The following HSD17B3 variants were observed in gnomAD, a reference collection of about 807,000 sequenced individuals.
HSD17B3 encodes the protein 17-beta-hydroxysteroid dehydrogenase type 3.
HSD17B3 carries 29 observed loss-of-function variants against 41.1 expected under a neutral mutation model. The observed-to-expected ratio is 0.71, with a 90% CI of 0.53 to 0.96. The LOEUF (loss-of-function observed/expected upper bound fraction) is 0.96, where lower values mean the gene tolerates loss of function less well. HSD17B3 is among the 40% of genes least tolerant of loss of function. The pLI is 0.00. For missense variants in HSD17B3, 323 were observed against 374.6 expected, an observed-to-expected ratio of 0.86 and a Z score of 1.14; for synonymous variants, 126 against 145.6, an observed-to-expected ratio of 0.87 and a Z score of 0.97.
At position 96,295,209 on chromosome 9, in the gene HSD17B3, G is replaced by A. The variant is rs147916815; in HGVS notation, c.201+3207C>T. Among the ~76,000 whole-genome samples, 1,097 of 152,000 alleles carry A rather than the reference G, an allele frequency of 7.2e-3. 19 individuals carry two copies. The highest frequency in any genetic ancestry group is 0.024 in the African/African-American group (1,013 of 41,460). On this transcript the variant is annotated intron_variant, in intron 2 of 10. Coordinates refer to ENST00000375263, the MANE Select transcript of HSD17B3 (RefSeq NM_000197.2). ...TTTAGTAGAGACGGGGTTTCACTAC[G>A]TTGGTCAGGCTGGTCTGGAACTCCT...
intron 3 of HSD17B3, 70 bp downstream of exon 3, chr9:96,254,798 A>G (rs753343069): frequency 7.6e-7 from 1 of 1,312,214 alleles, no homozygotes; most frequent in Non-Finnish European, 1.1e-6. Context: ...AAGTACATCA[A>G]CTGGCATGGT....
At chr9:96,287,725 AT>A (rs1194471291) in intron 2 of HSD17B3, among the ~76,000 whole-genome samples, 1 of 151,932 alleles carries the variant, frequency 6.6e-6, no homozygotes, top group East Asian at 1.9e-4. Context: ...AAATAAATAA[AT>A]AAATAAATAA....
At chr9:96,281,503 AGGGTTAGAGTCCCTTCTAATATTTAGG>A (rs1826690371) in intron 2 of HSD17B3, among the ~76,000 whole-genome samples, 1 of 152,096 alleles carries the variant, frequency 6.6e-6, no homozygotes, top group African/African-American at 2.4e-5. Context: ...CTAACTTAGG[AGGGTTAGAGTCCCTTCTAATATTTAGG>A]GGGTTAAAGT....
rs1444508567 is a variant in HSD17B3 at position 96,254,882 on chromosome 9, A to G, written c.263T>C (p.Ile88Thr). Residue 88 changes from isoleucine (I) to threonine (T), a missense_variant, in exon 3 of 11, where the codon ATT (isoleucine) becomes ACT (threonine). By Grantham distance (89) the Ile-to-Thr change is moderately conservative. Coordinates refer to ENST00000375263, the MANE Select transcript of HSD17B3 (RefSeq NM_000197.2). ...GGGTCACTCACCGATCTCTGTGGCA[A>G]TGGCCTCTAGTTTTTCCAGCGTCCG... is the stretch of plus-strand genomic sequence containing the variant. ...ISRTLEKLEA[I>T]ATEIERTTGR... 2 of 1,614,016 alleles carry G rather than the reference A, an allele frequency of 1.2e-6. No individual in the cohort carries two copies. Among genetic ancestry groups the G allele is most frequent in the East Asian group, 2.2e-5 (1 of 44,886 alleles).
intron 2 of HSD17B3, among the ~76,000 whole-genome samples, chr9:96,296,603 T>C (rs958982886): frequency 1.3e-5 from 2 of 152,014 alleles, no homozygotes; most frequent in African/African-American, 4.8e-5. Context: ...CCCAAAATAA[T>C]TGGATATAAG....
Position 96,241,710 on chromosome 9 carries a change from C to T in HSD17B3, c.673-803G>A, listed in dbSNP as rs755683915. On this transcript the variant is annotated intron_variant, in intron 9 of 10. Transcript: ENST00000375263. ...AGCATGTTGGGAGGCCAAGGCAGGA[C>T]GATTGCTTGAGCCCAGGAGTGCGAG... Among the ~76,000 whole-genome samples, 241 of 152,026 alleles carry T rather than the reference C, an allele frequency of 1.6e-3. 3 individuals are homozygous for T. Among genetic ancestry groups the T allele is most frequent in the Non-Finnish European group, 4.9e-4 (33 of 68,006 alleles).
At chr9:96,279,045 C>T (rs1354679777) in intron 2 of HSD17B3, among the ~76,000 whole-genome samples, 1 of 152,210 alleles carries the variant, frequency 6.6e-6, no homozygotes, top group Non-Finnish European at 1.5e-5. Flanking sequence ...TGGCAGAATC[C>T]TCCACTACGT....
At chr9:96,246,621 A>G in intron 6 of HSD17B3, 31 bp from the exon 7 acceptor site, 1 of 1,609,650 alleles carries the variant, frequency 6.2e-7, no homozygotes, top group East Asian at 2.2e-5. Context: ...TAAGCCCGAC[A>G]AGGAACTAAG....
Position 96,244,360 on chromosome 9 carries a change from T to C in HSD17B3, c.641A>G (p.Glu214Gly), listed in dbSNP as rs370264627. 75 of 1,614,072 alleles carry C rather than the reference T, an allele frequency of 4.6e-5. No homozygotes were observed. Among genetic ancestry groups the C allele is most frequent in the Non-Finnish European group, 6.3e-5 (74 of 1,180,038 alleles). The change falls in exon 9 of 11, where the codon GAG becomes GGG. Residue 214 changes from glutamate (E) to glycine (G), a missense_variant. By Grantham distance (98) the Glu-to-Gly change is moderately conservative. Transcript: ENST00000375263. The stretch of plus-strand genomic sequence containing the variant: ...GATGACTTCTTTTGCTTTATATTCC[T>C]CTTGCAGGGCCTTGGAAAATGCGCA... ...FVCAFSKALQ[E>G]EYKAKEVIIQ...
chr9:96,245,368 A>G lies in HSD17B3; in HGVS notation c.583T>C (p.Tyr195His). Residue 195 changes from tyrosine to histidine, a missense_variant, in exon 8 of 11, where the codon TAC becomes CAC. Coordinates refer to ENST00000375263, the MANE Select transcript of HSD17B3 (RefSeq NM_000197.2). The part of the protein sequence containing the change: ...SGIALFPWPL[Y>H]SMYSASKAFV... Reference sequence around the variant, plus strand: ...ACCTTGGAAGCTGAGTACATGGAGTAGAGAGGCCAAGGAAACAGGGCTATC... The same window carrying G: ...ACCTTGGAAGCTGAGTACATGGAGTGGAGAGGCCAAGGAAACAGGGCTATC... The G allele has an allele frequency of 6.2e-7, 1 of 1,613,746 alleles. No individual in the cohort carries two copies. Among genetic ancestry groups the G allele is most frequent in the Non-Finnish European group, 8.5e-7 (1 of 1,179,602 alleles).
chr9:96,276,986 G>A (rs1826486746), intron 2 of HSD17B3, among the ~76,000 whole-genome samples: 2 of 152,172 alleles, frequency 1.3e-5, no homozygotes, highest in South Asian at 2.1e-4. Context: ...TGAGTCACAA[G>A]GTCAGGAGAT....
intron 6 of HSD17B3, among the ~76,000 whole-genome samples, chr9:96,247,660 T>C (rs1195221400): frequency 6.6e-6 from 1 of 152,180 alleles, no homozygotes; most frequent in African/African-American, 2.4e-5. Context: ...AATGACTTCA[T>C]AGGGATATTA....
chr9:96,263,084 G>A (rs369552371), intron 2 of HSD17B3, among the ~76,000 whole-genome samples: 1 of 152,156 alleles, frequency 6.6e-6, no homozygotes, highest in Non-Finnish European at 1.5e-5. Context: ...CAGTGACTTC[G>A]TACAAGAGGC....
At chr9:96,289,227 G>T (rs1348106546) in intron 2 of HSD17B3, among the ~76,000 whole-genome samples, 3 of 151,640 alleles carry the variant, frequency 2.0e-5, no homozygotes, top group Non-Finnish European at 4.4e-5. Flanking sequence ...GTGTATGTGT[G>T]TGTGTATGGA....
intron 4 of HSD17B3, among the ~76,000 whole-genome samples, chr9:96,251,721 A>G (rs576596591): frequency 4.6e-5 from 7 of 152,228 alleles, no homozygotes; most frequent in Non-Finnish European, 1.0e-4. Flanking sequence ...GGCTGCTTAC[A>G]TGGGAGAACA....
intron 2 of HSD17B3, among the ~76,000 whole-genome samples, chr9:96,281,602 G>A (rs181793337): frequency 7.9e-5 from 12 of 152,256 alleles, no homozygotes; most frequent in South Asian, 6.2e-4. Flanking sequence ...TTGGCCCTAC[G>A]GGATGTTAAC....
intron 2 of HSD17B3, among the ~76,000 whole-genome samples, chr9:96,278,724 T>A (rs1826569652): frequency 1.3e-5 from 2 of 152,206 alleles, no homozygotes; most frequent in South Asian, 4.1e-4. Context: ...GTAAGCCTAT[T>A]TGGCTGCTGT....
intron 10 of HSD17B3, chr9:96,239,608 G>T (rs910765976): frequency 2.0e-5 from 3 of 152,224 alleles, no homozygotes; most frequent in African/African-American, 7.2e-5. Context: ...TGCTTTGGTA[G>T]ACTTTAGCGC....
chr9:96,279,658 G>A (rs1826607675), intron 2 of HSD17B3, among the ~76,000 whole-genome samples: 1 of 152,182 alleles, frequency 6.6e-6, no homozygotes, highest in African/African-American at 2.4e-5. Flanking sequence ...GAGCTTTGCA[G>A]GGCCATTTCA....
Sources: allele counts gnomAD v4.1 joint callset (sites outside exome capture counted in the v4.1 genomes callset), GRCh38; gene constraint gnomAD v4.1.1; transcripts MANE v1.5; gene names NCBI Gene and HGNC (gene_info 2026-07-23, HGNC 2026-07-21).